Variants in VDAC1 observed in about 807,000 individuals in gnomAD.
VDAC1 encodes the protein non-selective voltage-gated ion channel VDAC1.
Under a neutral mutation model 34.7 loss-of-function variants are expected in VDAC1, and 10 were observed. The observed-to-expected ratio is 0.29, with a 90% CI of 0.18 to 0.49. The LOEUF is 0.49. VDAC1 is among the 20% of genes least tolerant of loss of function. The pLI is 0.99. For missense variants in VDAC1, 230 were observed against 347.9 expected, an observed-to-expected ratio of 0.66 and a Z score of 2.69; for synonymous variants, 130 against 136.0, an observed-to-expected ratio of 0.96 and a Z score of 0.30.
the VDAC1 span, among the ~76,000 whole-genome samples, chr5:134,050,121 C>T: frequency 2.0e-5 from 3 of 152,024 alleles, no homozygotes; most frequent in Admixed American, 2.0e-4. Flanking sequence ...TGATGGTAGG[C>T]GCCTGTAGTC....
chr5:133,980,653 A>AAAAC, intron 6 of VDAC1, 76 bp downstream of exon 6: 123 of 953,076 alleles, frequency 1.3e-4, no homozygotes, highest in Non-Finnish European at 1.6e-4. Flanking sequence ...AAAAAAAAAA[A>AAAAC]CAGTGAAAAG....
At chr5:134,021,351 C>T in the VDAC1 span, among the ~76,000 whole-genome samples, 1 of 151,352 alleles carries the variant, frequency 6.6e-6, no homozygotes, top group Non-Finnish European at 1.5e-5. Flanking sequence ...CCCCACCCTC[C>T]GAAAGGCCCT....
chr5:134,061,128 G>A, the VDAC1 span, among the ~76,000 whole-genome samples: 1 of 147,558 alleles, frequency 6.8e-6, no homozygotes, highest in Non-Finnish European at 1.5e-5. Context: ...GCCTCCCAAA[G>A]TGCTGGGATT....
chr5:134,033,005 G>A, the VDAC1 span, among the ~76,000 whole-genome samples: 5 of 151,364 alleles, frequency 3.3e-5, no homozygotes, highest in Non-Finnish European at 1.5e-5. Context: ...CCTGGGGGCA[G>A]AGTGAGAGCC....
chr5:134,102,592 C>T, the VDAC1 span, among the ~76,000 whole-genome samples: 1 of 152,002 alleles, frequency 6.6e-6, no homozygotes, highest in Non-Finnish European at 1.5e-5. Context: ...CGCTTGAACC[C>T]GGGAGGTGGA....
At chr5:134,099,757 A>AT in the VDAC1 span, among the ~76,000 whole-genome samples, 1 of 151,982 alleles carries the variant, frequency 6.6e-6, no homozygotes, top group Non-Finnish European at 1.5e-5. Context: ...TTTTGTTTTT[A>AT]TTTTTTGTAG....
the VDAC1 span, among the ~76,000 whole-genome samples, chr5:134,031,766 C>T: frequency 6.6e-6 from 1 of 151,988 alleles, no homozygotes; most frequent in African/African-American, 2.4e-5. Context: ...GCCTGGCCAA[C>T]ATGGCGAAAC....
upstream of VDAC1, chr5:134,005,057 C>G (rs892515567): frequency 2.0e-5 from 3 of 152,322 alleles, no homozygotes; most frequent in Non-Finnish European, 2.9e-5. Context: ...GAAACCTCGG[C>G]CCCAGTGGCA....
At chr5:134,091,948 G>A in the VDAC1 span, among the ~76,000 whole-genome samples, 2 of 152,222 alleles carry the variant, frequency 1.3e-5, no homozygotes, top group East Asian at 1.9e-4. Context: ...TCAGATCCTG[G>A]CCTTCCTGCT....
chr5:134,067,044 CCT>C, the VDAC1 span, among the ~76,000 whole-genome samples: 5 of 150,848 alleles, frequency 3.3e-5, no homozygotes, highest in Admixed American at 6.6e-5. Context: ...TCTTTTTCCC[CCT>C]CTTTTCCTGC....
chr5:134,114,117 G>A, the VDAC1 span, among the ~76,000 whole-genome samples: 3 of 152,214 alleles, frequency 2.0e-5, no homozygotes, highest in African/African-American at 7.2e-5. Flanking sequence ...ATAAATGTGC[G>A]AAGGGGGGTA....
the VDAC1 span, among the ~76,000 whole-genome samples, chr5:134,067,219 G>T: frequency 6.6e-6 from 1 of 151,518 alleles, no homozygotes; most frequent in Admixed American, 6.6e-5. Flanking sequence ...GGGATTACAG[G>T]CATATGCCAC....
At chr5:134,014,117 C>T in the VDAC1 span, among the ~76,000 whole-genome samples, 19 of 152,090 alleles carry the variant, frequency 1.2e-4, no homozygotes, top group Admixed American at 6.6e-4. Context: ...GGTGAAACCC[C>T]GAGTCTACTA....
rs143911563 is a variant in VDAC1 at position 133,973,998 on chromosome 5, A to G, written c.703-150T>C. On this transcript the variant is annotated intron_variant, in intron 7 of 8. Transcript: ENST00000265333. Reference sequence around the variant, plus strand: ...TTGTTCATGAGATTCATTAAATTCAATACAAAATACATCAATTTTAGGTGC... The same window carrying G: ...TTGTTCATGAGATTCATTAAATTCAGTACAAAATACATCAATTTTAGGTGC... The G allele has an allele frequency of 9.3e-4, 605 of 650,726 alleles. 2 individuals carry two copies. The highest frequency in any genetic ancestry group is 2.7e-3 in the Middle Eastern group (8 of 2,990). The allele number at this position is 650,726 out of a possible 1,614,324, so 40.3% of individuals were successfully genotyped here.
chr5:134,012,199 A>C, the VDAC1 span, among the ~76,000 whole-genome samples: 1,142 of 152,256 alleles, frequency 7.5e-3, 11 homozygotes, highest in African/African-American at 0.025. Context: ...TCTCCTCCCA[A>C]GGCCTCCAGA....
chr5:133,979,279 A>G (rs1360962952), intron 6 of VDAC1, among the ~76,000 whole-genome samples: 2 of 152,170 alleles, frequency 1.3e-5, no homozygotes, highest in Non-Finnish European at 2.9e-5. Flanking sequence ...CCAATGCCCA[A>G]TTTCAAACCA....
chr5:133,975,327 C>T (rs139545396), intron 7 of VDAC1, among the ~76,000 whole-genome samples: 1 of 152,218 alleles, frequency 6.6e-6, no homozygotes, highest in Non-Finnish European at 1.5e-5. Flanking sequence ...GGATTAAACA[C>T]AGTAATCTAC....
upstream of VDAC1, among the ~76,000 whole-genome samples, chr5:134,006,821 G>T (rs191801971): frequency 1.6e-4 from 23 of 146,962 alleles, no homozygotes; most frequent in African/African-American, 5.6e-4. Context: ...GGGCCCCTTC[G>T]CCAGCTCCCC....
At chr5:134,031,056 G>A in the VDAC1 span, among the ~76,000 whole-genome samples, 1 of 152,142 alleles carries the variant, frequency 6.6e-6, no homozygotes, top group Non-Finnish European at 1.5e-5. Context: ...CCACTCATGA[G>A]ACAGACTACA....
Sources: allele counts gnomAD v4.1 joint callset (sites outside exome capture counted in the v4.1 genomes callset), GRCh38; gene constraint gnomAD v4.1.1; transcripts MANE v1.5; gene names NCBI Gene and HGNC (gene_info 2026-07-23, HGNC 2026-07-21).